Variants in TFEC observed in about 807,000 individuals in gnomAD.
TFEC encodes the protein transcription factor EC.
In TFEC, 31 loss-of-function variants were observed where a neutral mutation model predicts 41.6. That is an observed-to-expected ratio of 0.74 (90% CI 0.56 to 1.01). The LOEUF is 1.01. Ranked by LOEUF, TFEC falls within the 50% of genes least tolerant of loss-of-function variation. The pLI is 0.00. For missense variants in TFEC, 402 were observed against 404.1 expected, an observed-to-expected ratio of 0.99 and a Z score of 0.04; for synonymous variants, 143 against 140.6, an observed-to-expected ratio of 1.02 and a Z score of -0.12.
At chr7:115,965,940 C>G (rs1232599346) in intron 3 of TFEC, among the ~76,000 whole-genome samples, 1 of 151,238 alleles carries the variant, frequency 6.6e-6, no homozygotes, top group African/African-American at 2.4e-5. Context: ...TTTGAAAATT[C>G]TTCCCTATTC....
At chr7:116,066,819 A>C (rs970789802) in intron 3 of TFEC, among the ~76,000 whole-genome samples, 7 of 152,088 alleles carry the variant, frequency 4.6e-5, no homozygotes, top group Admixed American at 4.6e-4. Context: ...AATGCAATTC[A>C]CAAAAGGCTT....
intron 1 of TFEC, among the ~76,000 whole-genome samples, chr7:116,157,132 T>C (rs537919434): frequency 2.6e-5 from 4 of 152,284 alleles, no homozygotes; most frequent in African/African-American, 7.2e-5. Flanking sequence ...CCTTCTTTTA[T>C]CATATTCCCT....
intron 3 of TFEC, among the ~76,000 whole-genome samples, chr7:116,047,534 C>T (rs184693539): frequency 6.6e-6 from 1 of 152,276 alleles, no homozygotes; most frequent in African/African-American, 2.4e-5. Flanking sequence ...CACCGCAGCT[C>T]AAGGAGGCCT....
Position 115,950,928 on chromosome 7 carries a change from T to C in TFEC, c.461A>G (p.Asn154Ser). 4 of 1,595,914 alleles carry C rather than the reference T, an allele frequency of 2.5e-6. No homozygotes were observed. The highest frequency in any genetic ancestry group is 3.4e-6 in the Non-Finnish European group (4 of 1,167,194). The change falls in exon 6 of 8, where the codon AAT becomes AGT. Residue 154 changes from asparagine (N) to serine (S), a missense_variant. Transcript: ENST00000265440. Reference protein sequence around the residue: ...HNLIERRRRYNINYRIKELGT... With the variant: ...HNLIERRRRYSINYRIKELGT... ...AAGCTCCTTGATTCGGTAATTAATATTATACCTTCTTCTTCTTTCAACTAT... is the reference window on the plus strand; with the variant it reads ...AAGCTCCTTGATTCGGTAATTAATACTATACCTTCTTCTTCTTTCAACTAT...
At chr7:116,035,811 T>TTG (rs1795895793), upstream of TFEC, among the ~76,000 whole-genome samples, 1 of 151,912 alleles carries the variant, frequency 6.6e-6, no homozygotes, top group Non-Finnish European at 1.5e-5. Context: ...TAATAATTTG[T>TTG]TGAGAGAGAG....
chr7:116,140,603 A>G (rs772995495), intron 1 of TFEC, among the ~76,000 whole-genome samples: 9 of 152,344 alleles, frequency 5.9e-5, no homozygotes, highest in Admixed American at 1.3e-4. Flanking sequence ...ATGTATTGGC[A>G]GTGTCTTACA....
intron 3 of TFEC, among the ~76,000 whole-genome samples, chr7:116,092,316 G>C (rs555796424): frequency 6.6e-6 from 1 of 152,276 alleles, no homozygotes; most frequent in East Asian, 1.9e-4. Context: ...ACAACTTGAA[G>C]TTCAACTAAC....
rs1793462609 is a variant in TFEC, at chr7:115,940,928, G to A, written c.667C>T (p.Leu223=). Residue 223 remains leucine, a synonymous_variant, in exon 8 of 8, where the codon CTA becomes TTA. Coordinates refer to ENST00000265440, the MANE Select transcript of TFEC (RefSeq NM_012252.4). ...NRRLLLRIQE[L]EIQARTHGLP... is the part of the protein sequence containing the mutation. ...CCATGAGTACGAGCCTGAATTTCTAGTTCCTGTAATTTCAAACGAAAATCA... is the reference window on the plus strand; with the variant it reads ...CCATGAGTACGAGCCTGAATTTCTAATTCCTGTAATTTCAAACGAAAATCA... 2 of 1,560,932 alleles carry A rather than the reference G, an allele frequency of 1.3e-6. No individual in the cohort carries two copies. The highest frequency in any genetic ancestry group is 1.7e-6 in the Non-Finnish European group (2 of 1,150,676).
intron 1 of TFEC, among the ~76,000 whole-genome samples, chr7:116,001,917 A>C (rs1794613871): frequency 6.6e-6 from 1 of 152,180 alleles, no homozygotes; most frequent in Non-Finnish European, 1.5e-5. Flanking sequence ...AAGGTATATA[A>C]AAAGGTGCTC....
chr7:115,971,292 G>A lies in TFEC; in HGVS notation c.267+2878C>T, dbSNP rs376549896. Among the ~76,000 whole-genome samples, 8 of 151,724 alleles carry A rather than the reference G, an allele frequency of 5.3e-5. 1 individual carries two copies. In the South Asian group the frequency reaches 1.2e-3, roughly 24 times the overall value. ...AAAAATACTTCCTCTTAGGTATCCC[G>A]TACTAACTGAATGTTTCCATTAGGA... On this transcript the variant is annotated intron_variant, in intron 3 of 7. Transcript: ENST00000265440.
chr7:116,110,577 G>A (rs1312041509), intron 3 of TFEC: 13 of 543,288 alleles, frequency 2.4e-5, no homozygotes, highest in Non-Finnish European at 5.7e-6. Flanking sequence ...TGGAAATTGG[G>A]AGGAAGCCCT....
At chr7:116,013,735 GA>G (rs886167175) in intron 1 of TFEC, among the ~76,000 whole-genome samples, 13 of 151,926 alleles carry the variant, frequency 8.6e-5, no homozygotes, top group African/African-American at 2.9e-4. Context: ...ATTACTAGGG[GA>G]AAAAAATGTG....
intron 6 of TFEC, among the ~76,000 whole-genome samples, chr7:115,946,912 G>GT (rs993100507): frequency 1.3e-4 from 20 of 150,246 alleles, no homozygotes; most frequent in Admixed American, 8.6e-4. Flanking sequence ...AAAGTTCTCA[G>GT]TTTTTTTTTA....
intron 6 of TFEC, among the ~76,000 whole-genome samples, chr7:115,950,545 T>C (rs534523029): frequency 1.3e-5 from 2 of 152,246 alleles, no homozygotes; most frequent in East Asian, 3.9e-4. Context: ...CTCATAAAAA[T>C]TGAATATACC....
upstream of TFEC, chr7:116,030,955 A>T (rs1250429311): frequency 2.6e-6 from 1 of 381,144 alleles, no homozygotes; most frequent in Admixed American, 6.5e-5. Context: ...CTAGAAAACT[A>T]CTCCACAATA....
At chr7:115,965,859 C>T (rs912877182) in intron 3 of TFEC, among the ~76,000 whole-genome samples, 4 of 151,416 alleles carry the variant, frequency 2.6e-5, no homozygotes, top group African/African-American at 4.8e-5. Context: ...ACTGTTTTGG[C>T]CTCTTCCCTC....
intron 3 of TFEC, among the ~76,000 whole-genome samples, chr7:115,973,162 T>C (rs1314525816): frequency 1.3e-5 from 2 of 151,966 alleles, no homozygotes; most frequent in African/African-American, 4.8e-5. Context: ...GTAGAGTTAG[T>C]ACTGGTGACT....
chr7:116,029,429 TA>T (rs1272710602), intron 1 of TFEC, among the ~76,000 whole-genome samples: 1 of 152,128 alleles, frequency 6.6e-6, no homozygotes, highest in Non-Finnish European at 1.5e-5. Context: ...ATGCTGATAA[TA>T]AACTGCGTAC....
chr7:116,003,538 G>A (rs1794678254), intron 1 of TFEC, among the ~76,000 whole-genome samples: 1 of 152,082 alleles, frequency 6.6e-6, no homozygotes, highest in African/African-American at 2.4e-5. Context: ...CACTATTACA[G>A]GTGGATACTT....
Sources: gnomAD v4.1 joint callset for allele counts (sites outside exome capture counted in the v4.1 genomes callset) on GRCh38, gnomAD v4.1.1 for gene constraint, MANE v1.5 for transcripts, NCBI Gene and HGNC (gene_info 2026-07-23, HGNC 2026-07-21) for gene names.